Variants in RMC1 observed in about 807,000 individuals in gnomAD.
The protein encoded by RMC1 is regulator of MON1-CCZ1, also known as regulator of MON1-CCZ1 complex.
RMC1 carries 44 observed loss-of-function variants against 95.5 expected under a neutral mutation model. That is an observed-to-expected ratio of 0.46 (90% CI 0.36 to 0.59). RMC1 has a LOEUF of 0.59. RMC1 is among the 20% of genes least tolerant of loss of function. The pLI is 0.00. For missense variants in RMC1, 705 were observed against 819.6 expected, an observed-to-expected ratio of 0.86 and a Z score of 1.71; for synonymous variants, 320 against 303.6, an observed-to-expected ratio of 1.05 and a Z score of -0.56.
At chr18:23,514,162 G>C (rs994534974) in intron 5 of RMC1, among the ~76,000 whole-genome samples, 1 of 152,202 alleles carries the variant, frequency 6.6e-6, no homozygotes, top group Non-Finnish European at 1.5e-5. Context: ...TGTATGGTTA[G>C]AGAAAATACA....
At position 23,516,072 on chromosome 18, in the gene RMC1, G is replaced by A. The variant is rs1005179680; in HGVS notation, c.549+76G>A. 2.1e-5 allele frequency: 34 copies of A among 1,592,682 alleles called. 1 individual carries two copies. The Middle Eastern group carries it at 5.7e-4, about 27-fold the overall frequency. ...TTCCTGTAGCATCCTAATGTGTCAG[G>A]CACGTTAGGGACAGGTTCCTCTAGC... On this transcript the variant is annotated intron_variant, in intron 6 of 19. Coordinates refer to ENST00000269221, the MANE Select transcript of RMC1 (RefSeq NM_013326.5).
At chr18:23,531,399 T>A in intron 19 of RMC1, 1 of 819,016 alleles carries the variant, frequency 1.2e-6, no homozygotes, top group Non-Finnish European at 1.8e-6. Flanking sequence ...TCTAGCTCAA[T>A]GTAAGACGGC....
chr18:23,527,562 T>G (rs1217585625), intron 13 of RMC1, among the ~76,000 whole-genome samples: 1 of 150,160 alleles, frequency 6.7e-6, no homozygotes, highest in East Asian at 2.0e-4. Context: ...ATTATAGGCA[T>G]GTGCCACTGA....
At position 23,503,737 on chromosome 18, in the gene RMC1, C is replaced by T; in HGVS notation, c.102+17C>T. On this transcript the variant is annotated intron_variant, in intron 1 of 19. Coordinates refer to ENST00000269221, the MANE Select transcript of RMC1 (RefSeq NM_013326.5). ...AACAAGCAGGTCCGGCGCGCCCGCG[C>T]TTCCTCCCCCGCGCGGCCCTGCCGG... is the stretch of plus-strand genomic sequence containing the variant. The T allele has an allele frequency of 6.3e-7, 1 of 1,579,182 alleles. No homozygotes were observed. The highest frequency in any genetic ancestry group is 8.6e-7 in the Non-Finnish European group (1 of 1,163,778).
At chr18:23,504,573 A>G (rs939508160) in intron 2 of RMC1, 126 bp downstream of exon 2, 5 of 766,184 alleles carry the variant, frequency 6.5e-6, no homozygotes, top group Non-Finnish European at 1.1e-5. Flanking sequence ...GTGTGCGCAC[A>G]TGGAATTCCT....
At chr18:23,516,174 G>A (rs1263711508) in intron 6 of RMC1, 146 bp from the exon 7 acceptor site, 15 of 1,284,252 alleles carry the variant, frequency 1.2e-5, no homozygotes, top group Middle Eastern at 2.2e-4. Flanking sequence ...TCTATGCTGG[G>A]CAGACAGGCT....
At chr18:23,513,042 C>T (rs2057905064) in intron 5 of RMC1, among the ~76,000 whole-genome samples, 1 of 152,170 alleles carries the variant, frequency 6.6e-6, no homozygotes, top group Admixed American at 6.5e-5. Context: ...CAACCTCTGT[C>T]TCCTGGGTTC....
chr18:23,510,988 A>G (rs895611343), intron 5 of RMC1, among the ~76,000 whole-genome samples: 5 of 152,242 alleles, frequency 3.3e-5, no homozygotes. Flanking sequence ...TAATATGCAG[A>G]GGAATATAAA....
chr18:23,518,259 G>C (rs1356122472), intron 7 of RMC1, among the ~76,000 whole-genome samples: 1 of 152,230 alleles, frequency 6.6e-6, no homozygotes, highest in Non-Finnish European at 1.5e-5. Context: ...GGAGGCCAAG[G>C]CAGGGGGATC....
At chr18:23,525,353 TC>T (rs1191933185) in intron 12 of RMC1, among the ~76,000 whole-genome samples, 1 of 152,144 alleles carries the variant, frequency 6.6e-6, no homozygotes, top group Non-Finnish European at 1.5e-5. Context: ...GCTCAGGCGA[TC>T]CTCCTGCTTC....
Position 23,529,254 on chromosome 18 carries a change from T to G in RMC1, c.1372T>G (p.Ser458Ala), listed in dbSNP as rs769466031. ...GCGGACCCAGGCGGTGCTGGACCAG[T>G]CAGATGTGTACACCCATGTCCTGTC... ...PVRTQAVLDQ[S>A]DVYTHVLSAF... Residue 458 changes from serine to alanine, a missense_variant, in exon 15 of 20, where the codon TCA (serine) becomes GCA (alanine). Transcript: ENST00000269221. 6.2e-7 allele frequency: 1 copy of G among 1,614,036 alleles called. No homozygotes were observed. The highest frequency in any genetic ancestry group is 1.1e-5 in the South Asian group (1 of 91,078).
chr18:23,525,506 C>T (rs1253415843), intron 12 of RMC1, among the ~76,000 whole-genome samples: 1 of 151,958 alleles, frequency 6.6e-6, no homozygotes, highest in Non-Finnish European at 1.5e-5. Context: ...CTCACTGCAA[C>T]CTCCAACTCC....
intron 10 of RMC1, among the ~76,000 whole-genome samples, chr18:23,523,169 CT>C (rs1598891677): frequency 1.3e-5 from 2 of 152,170 alleles, no homozygotes; most frequent in African/African-American, 4.8e-5. Flanking sequence ...TCTTTCCTAC[CT>C]TTGGGTGGTC....
At chr18:23,515,481 T>C (rs1034271911) in intron 5 of RMC1, among the ~76,000 whole-genome samples, 1 of 152,150 alleles carries the variant, frequency 6.6e-6, no homozygotes, top group Non-Finnish European at 1.5e-5. Flanking sequence ...TTCTTCTGCT[T>C]TTTATTCTCA....
At chr18:23,524,986 G>T (rs1469149668) in intron 12 of RMC1, among the ~76,000 whole-genome samples, 1 of 106,230 alleles carries the variant, frequency 9.4e-6, no homozygotes, top group Admixed American at 1.5e-4. Context: ...TTTGCTCGTT[G>T]CCCAGGCTGG....
intron 2 of RMC1, chr18:23,506,666 C>G (rs373816439): frequency 3.9e-6 from 1 of 257,808 alleles, no homozygotes; most frequent in Non-Finnish European, 7.5e-6. Context: ...ACAGCAGTTA[C>G]GGAGAAGGCT....
intron 2 of RMC1, 86 bp downstream of exon 2, chr18:23,504,533 A>T (rs2145114315): frequency 8.4e-6 from 11 of 1,306,078 alleles, no homozygotes; most frequent in Non-Finnish European, 1.1e-5. Context: ...TAATTTTGTC[A>T]TTTGGTCTGC....
At position 23,529,653 on chromosome 18, in the gene RMC1, G is replaced by A. The variant is rs779543752; in HGVS notation, c.1435G>A (p.Val479Met). 6 of 1,613,988 alleles carry A rather than the reference G, an allele frequency of 3.7e-6. No individual in the cohort carries two copies. The highest frequency in any genetic ancestry group is 8.5e-7 in the Non-Finnish European group (1 of 1,179,996). ...VEKKEMPHKF[V>M]IAVLMEYIRS... ...TCCCTAGGAGATGCCTCATAAATTT[G>A]TGATAGCCGTGCTGATGGAATACAT... The change falls in exon 16 of 20, where the codon GTG becomes ATG. Residue 479 changes from valine (V) to methionine (M), a missense_variant. Coordinates refer to ENST00000269221, the MANE Select transcript of RMC1 (RefSeq NM_013326.5).
intron 5 of RMC1, 131 bp from the exon 6 acceptor site, chr18:23,515,725 G>A: frequency 2.0e-6 from 2 of 1,018,942 alleles, no homozygotes; most frequent in Non-Finnish European, 2.9e-6. Flanking sequence ...TAGAGATGGG[G>A]TTTTACCATT....
Sources: allele counts gnomAD v4.1 joint callset (sites outside exome capture counted in the v4.1 genomes callset), GRCh38; gene constraint gnomAD v4.1.1; transcripts MANE v1.5; gene names NCBI Gene and HGNC (gene_info 2026-07-23, HGNC 2026-07-21).